Variants in MACROD2 observed in about 807,000 individuals in gnomAD.
MACROD2 encodes the protein mono-ADP ribosylhydrolase 2, also known as ADP-ribose glycohydrolase MACROD2.
MACROD2 carries 36 observed loss-of-function variants against 70.4 expected under a neutral mutation model. The ratio of observed to expected loss-of-function variants is 0.51; its 90% CI spans 0.39 to 0.68. The LOEUF is 0.68. MACROD2 is among the 30% of genes least tolerant of loss of function. The pLI, the probability that MACROD2 is intolerant of heterozygous loss-of-function variation, is 0.00. For missense variants in MACROD2, 496 were observed against 538.4 expected, an observed-to-expected ratio of 0.92 and a Z score of 0.78; for synonymous variants, 172 against 178.8, an observed-to-expected ratio of 0.96 and a Z score of 0.30.
At chr20:14,367,325 T>G (rs1011119786) in intron 3 of MACROD2, among the ~76,000 whole-genome samples, 1 of 152,228 alleles carries the variant, frequency 6.6e-6, no homozygotes, top group East Asian at 1.9e-4. Flanking sequence ...AAAAATACAA[T>G]AATACTGGCT....
intron 3 of MACROD2, among the ~76,000 whole-genome samples, chr20:14,234,044 G>A (rs924289778): frequency 7.2e-5 from 11 of 152,160 alleles, no homozygotes; most frequent in African/African-American, 2.6e-4. Flanking sequence ...TGTAATCTCT[G>A]GACTTTAATA....
At chr20:15,244,394 A>C (rs542039928) in intron 6 of MACROD2, among the ~76,000 whole-genome samples, 20 of 152,158 alleles carry the variant, frequency 1.3e-4, no homozygotes, top group Non-Finnish European at 2.5e-4. Context: ...ACCAAAGCAA[A>C]ATCTGCTAAT....
At chr20:14,965,059 T>C (rs891891879) in intron 5 of MACROD2, among the ~76,000 whole-genome samples, 1 of 152,220 alleles carries the variant, frequency 6.6e-6, no homozygotes, top group Non-Finnish European at 1.5e-5. Context: ...CGGCAAAGGT[T>C]AAGCTGTTTT....
chr20:14,357,052 A>T (rs1316867451), intron 3 of MACROD2, among the ~76,000 whole-genome samples: 2 of 152,212 alleles, frequency 1.3e-5, no homozygotes, highest in African/African-American at 4.8e-5. Context: ...CTACTACTTC[A>T]TGGAGTACTA....
At chr20:15,018,186 C>T (rs1461758273) in intron 5 of MACROD2, among the ~76,000 whole-genome samples, 1 of 152,144 alleles carries the variant, frequency 6.6e-6, no homozygotes, top group African/African-American at 2.4e-5. Context: ...GAATGCTTTG[C>T]TGCTTAGAAA....
chr20:14,173,211 G>A (rs1007317280), intron 3 of MACROD2, among the ~76,000 whole-genome samples: 2 of 152,074 alleles, frequency 1.3e-5, no homozygotes, highest in African/African-American at 2.4e-5. Context: ...AATTTTCCTC[G>A]ATTATCCCCT....
At chr20:14,905,258 C>G (rs913096848) in intron 5 of MACROD2, 1 of 152,022 alleles carries the variant, frequency 6.6e-6, no homozygotes, top group African/African-American at 2.4e-5. Flanking sequence ...TCCAGAATTT[C>G]AAGAAATGGA....
In MACROD2 at chr20:15,187,593, T is replaced by G. The variant is rs148008512; in HGVS notation, c.419-42347T>G. Among the ~76,000 whole-genome samples the G allele has an allele frequency of 1.2e-4, 18 of 152,284 alleles. No homozygotes were observed. The East Asian group carries it at 3.3e-3, about 28-fold the overall frequency. On this transcript the variant is annotated intron_variant, in intron 5 of 17. Transcript: ENST00000684519. ...GCTTTTCCATGGACATTCAGTGTAG[T>G]TAAGGAGAAAATTAGCCATATTTTC...
intron 3 of MACROD2, among the ~76,000 whole-genome samples, chr20:14,456,842 G>A (rs1000252108): frequency 6.8e-6 from 1 of 146,904 alleles, no homozygotes; most frequent in African/African-American, 2.5e-5. Flanking sequence ...TCAGCCTCCC[G>A]AGTAGCTGGG....
intron 3 of MACROD2, among the ~76,000 whole-genome samples, chr20:14,353,752 A>G (rs993450290): frequency 6.6e-6 from 1 of 152,144 alleles, no homozygotes; most frequent in Non-Finnish European, 1.5e-5. Context: ...TGAAGGGCAA[A>G]GAAACTTTCT....
chr20:15,335,860 G>A (rs191415521), intron 6 of MACROD2, among the ~76,000 whole-genome samples: 2 of 151,698 alleles, frequency 1.3e-5, no homozygotes, highest in East Asian at 3.9e-4. Flanking sequence ...GAGTGCAGCT[G>A]GTCAGGTCTT....
chr20:14,025,497 C>T (rs146614392), intron 2 of MACROD2, among the ~76,000 whole-genome samples: 3,530 of 152,252 alleles, frequency 0.023, 55 homozygotes, highest in Non-Finnish European at 0.039. Flanking sequence ...ATAAATTTCC[C>T]TCTAAACACT....
intron 4 of MACROD2, among the ~76,000 whole-genome samples, chr20:14,629,347 T>C (rs1232602660): frequency 6.6e-6 from 1 of 152,218 alleles, no homozygotes; most frequent in African/African-American, 2.4e-5. Flanking sequence ...AATGGAATAA[T>C]CCCTCAAATG....
At chr20:14,549,597 T>TCAAGG (rs1192135132) in intron 4 of MACROD2, among the ~76,000 whole-genome samples, 7 of 152,118 alleles carry the variant, frequency 4.6e-5, no homozygotes, top group Non-Finnish European at 2.9e-5. Context: ...CTTTTTTTTT[T>TCAAGG]CAGATGTTTT....
chr20:15,698,647 C>T (rs1043439613), intron 8 of MACROD2, among the ~76,000 whole-genome samples: 2 of 152,140 alleles, frequency 1.3e-5, no homozygotes, highest in African/African-American at 2.4e-5. Flanking sequence ...AAGTTTTCTT[C>T]AATTATTCCC....
chr20:15,647,575 T>G (rs1371494162), intron 8 of MACROD2, among the ~76,000 whole-genome samples: 1 of 152,222 alleles, frequency 6.6e-6, no homozygotes, highest in Non-Finnish European at 1.5e-5. Flanking sequence ...TTGGTAAAGC[T>G]TTAAAATATG....
chr20:14,229,600 T>C (rs1400825502), intron 3 of MACROD2, among the ~76,000 whole-genome samples: 1 of 152,232 alleles, frequency 6.6e-6, no homozygotes, highest in African/African-American at 2.4e-5. Context: ...CTCTCATTCA[T>C]TGCTGGTGGG....
intron 3 of MACROD2, among the ~76,000 whole-genome samples, chr20:14,181,132 G>A (rs919574986): frequency 6.6e-6 from 1 of 150,538 alleles, no homozygotes; most frequent in African/African-American, 2.4e-5. Flanking sequence ...CAGTGGTGGT[G>A]ATCTTGGCTC....
chr20:15,587,605 TAC>T (rs1207293098), intron 8 of MACROD2, among the ~76,000 whole-genome samples: 1 of 152,184 alleles, frequency 6.6e-6, no homozygotes, highest in Non-Finnish European at 1.5e-5. Context: ...GCAATGGACG[TAC>T]AGTTATTGGG....
Sources: gnomAD v4.1 joint callset for allele counts (sites outside exome capture counted in the v4.1 genomes callset) on GRCh38, gnomAD v4.1.1 for gene constraint, MANE v1.5 for transcripts, NCBI Gene and HGNC (gene_info 2026-07-23, HGNC 2026-07-21) for gene names.